Variants in KCNIP1 observed in about 807,000 individuals in gnomAD.
The protein encoded by KCNIP1 is potassium voltage-gated channel interacting protein 1.
In KCNIP1, 18 loss-of-function variants were observed where a neutral mutation model predicts 33.0. That is an observed-to-expected ratio of 0.55 (90% CI 0.38 to 0.81). The LOEUF is 0.81. KCNIP1 is among the 30% of genes least tolerant of loss of function. The pLI, the probability that KCNIP1 is intolerant of heterozygous loss-of-function variation, is 0.00. For missense variants in KCNIP1, 238 were observed against 271.6 expected (o/e 0.88, Z 0.87); for synonymous variants, 93 against 98.3 (o/e 0.95, Z 0.32).
chr5:170,720,214 C>T (rs879147163), intron 2 of KCNIP1, 107 bp from the exon 3 acceptor site: 1 of 766,918 alleles, frequency 1.3e-6, no homozygotes, highest in Non-Finnish European at 2.3e-6. Flanking sequence ...ATGCACAGGT[C>T]CCTGTCCCTG....
intron 1 of KCNIP1, 44 bp from the exon 2 acceptor site, chr5:170,718,714 A>T (rs770645158): frequency 1.2e-6 from 2 of 1,611,328 alleles, no homozygotes; most frequent in Non-Finnish European, 8.5e-7. Context: ...AACAAGAATG[A>T]CTCCCAAGCT....
At chr5:170,359,021 T>A (rs1363798399) in intron 1 of KCNIP1, among the ~76,000 whole-genome samples, 1 of 152,200 alleles carries the variant, frequency 6.6e-6, no homozygotes, top group East Asian at 1.9e-4. Context: ...AGCAGCCACC[T>A]GTCATGCAAA....
intron 1 of KCNIP1, among the ~76,000 whole-genome samples, chr5:170,672,355 G>A (rs558560803): frequency 7.9e-5 from 12 of 152,248 alleles, no homozygotes; most frequent in Admixed American, 2.6e-4. Context: ...CCCTCTCGAA[G>A]GGGTTCAGAA....
chr5:170,466,402 C>T (rs1482652257), intron 1 of KCNIP1, among the ~76,000 whole-genome samples: 1 of 152,076 alleles, frequency 6.6e-6, no homozygotes, highest in African/African-American at 2.4e-5. Context: ...AAGATCTAAC[C>T]CTAGCAGTCA....
intron 1 of KCNIP1, among the ~76,000 whole-genome samples, chr5:170,677,584 T>C (rs1279985425): frequency 6.6e-6 from 1 of 152,132 alleles, no homozygotes; most frequent in Non-Finnish European, 1.5e-5. Flanking sequence ...ACCATCTTGG[T>C]TTCCAAGACG....
In KCNIP1 at chr5:170,601,832, C is replaced by T. The variant is rs115185108; in HGVS notation, c.61+97199C>T. Among the ~76,000 whole-genome samples the T allele has an allele frequency of 3.1e-3, 465 of 152,272 alleles. 2 individuals are homozygous for T. Among genetic ancestry groups the T allele is most frequent in the African/African-American group, 0.011 (440 of 41,548 alleles). ...AGGGACTGGCGGTGGCTGCTGCCTG[C>T]GGACGTCGAGCAGGGGCCTTTGAAG... On this transcript the variant is annotated intron_variant, in intron 1 of 7. Coordinates refer to ENST00000328939, the MANE Select transcript of KCNIP1 (RefSeq NM_014592.4).
intron 1 of KCNIP1, among the ~76,000 whole-genome samples, chr5:170,618,508 G>GAGGA (rs377073410): frequency 0.57 from 53,952 of 95,158 alleles, 16,097 homozygotes; most frequent in African/African-American, 0.68. Flanking sequence ...GGGAGGAAAG[G>GAGGA]AGGAAGGAAG....
intron 1 of KCNIP1, among the ~76,000 whole-genome samples, chr5:170,386,002 A>T (rs796836309): frequency 2.6e-5 from 4 of 151,934 alleles, no homozygotes; most frequent in African/African-American, 9.6e-5. Flanking sequence ...CGTGGGAGCC[A>T]GTAGTCCCAG....
At chr5:170,429,214 C>A (rs187845880) in intron 1 of KCNIP1, among the ~76,000 whole-genome samples, 1,847 of 152,244 alleles carry the variant, frequency 0.012, 25 homozygotes, top group Non-Finnish European at 0.019. Flanking sequence ...ACATCAGCCA[C>A]CAGAGGGAAC....
intron 1 of KCNIP1, among the ~76,000 whole-genome samples, chr5:170,478,430 G>A (rs1756903716): frequency 6.6e-6 from 1 of 152,174 alleles, no homozygotes; most frequent in Admixed American, 6.5e-5. Context: ...AGTCCCATAA[G>A]GACACCTGCT....
chr5:170,361,711 C>G (rs188725259), intron 1 of KCNIP1, among the ~76,000 whole-genome samples: 3 of 152,250 alleles, frequency 2.0e-5, no homozygotes. Context: ...GTGGACTTCT[C>G]GTGGGGACTC....
At chr5:170,727,293 G>A (rs1764041949) in intron 5 of KCNIP1, among the ~76,000 whole-genome samples, 1 of 152,212 alleles carries the variant, frequency 6.6e-6, no homozygotes, top group Non-Finnish European at 1.5e-5. Flanking sequence ...TGGTTGCCTG[G>A]TGTCAAAGCT....
chr5:170,615,792 C>T (rs12186958), intron 1 of KCNIP1, among the ~76,000 whole-genome samples: 25,466 of 152,190 alleles, frequency 0.17, 2,289 homozygotes, highest in Middle Eastern at 0.24. Flanking sequence ...ACACATAAAG[C>T]ACTAATACTA....
chr5:170,387,277 G>T (rs958835027), intron 1 of KCNIP1, among the ~76,000 whole-genome samples: 1 of 152,118 alleles, frequency 6.6e-6, no homozygotes, highest in Non-Finnish European at 1.5e-5. Flanking sequence ...TATGGTTTTT[G>T]TTTGTTTAAT....
intron 1 of KCNIP1, among the ~76,000 whole-genome samples, chr5:170,705,451 G>A (rs1240048494): frequency 6.6e-6 from 1 of 152,120 alleles, no homozygotes; most frequent in East Asian, 1.9e-4. Flanking sequence ...TGGACTGTCC[G>A]GATTCTTAAG....
intron 1 of KCNIP1, among the ~76,000 whole-genome samples, chr5:170,490,889 G>C (rs1187482046): frequency 6.6e-6 from 1 of 152,102 alleles, no homozygotes; most frequent in East Asian, 1.9e-4. Context: ...TTTACCTCAA[G>C]TTCTCTCGCC....
At chr5:170,523,072 T>C (rs1230876716) in intron 1 of KCNIP1, among the ~76,000 whole-genome samples, 1 of 152,176 alleles carries the variant, frequency 6.6e-6, no homozygotes. Context: ...CTCTAGGTCA[T>C]AAATAGGGCT....
chr5:170,387,987 G>T (rs780386721), intron 1 of KCNIP1, among the ~76,000 whole-genome samples: 2 of 152,078 alleles, frequency 1.3e-5, no homozygotes, highest in Non-Finnish European at 2.9e-5. Flanking sequence ...GCACCTGTGG[G>T]GGCTTCCTGT....
upstream of KCNIP1, among the ~76,000 whole-genome samples, chr5:170,501,434 A>G (rs1424476937): frequency 6.6e-6 from 1 of 152,228 alleles, no homozygotes; most frequent in East Asian, 1.9e-4. Flanking sequence ...ACAGGCCACA[A>G]AAAAGACCTC....
Sources: gnomAD v4.1 joint callset for allele counts (sites outside exome capture counted in the v4.1 genomes callset) on GRCh38, gnomAD v4.1.1 for gene constraint, MANE v1.5 for transcripts, NCBI Gene and HGNC (gene_info 2026-07-23, HGNC 2026-07-21) for gene names.